The following BMP2 variants were observed in gnomAD, a reference collection of about 807,000 sequenced individuals.
The protein encoded by BMP2 is bone morphogenetic protein 2A.
BMP2 carries 2 observed loss-of-function variants against 28.8 expected under a neutral mutation model. The observed-to-expected ratio is 0.07, with a 90% CI of 0.03 to 0.22. The LOEUF is 0.22. Among genes scored for constraint, BMP2 ranks in the 10% least tolerant of loss-of-function variants. The pLI is 1.00. For missense variants in BMP2, 437 were observed against 517.7 expected (o/e 0.84, Z 1.51); for synonymous variants, 218 against 204.3 (o/e 1.07, Z -0.57).
chr20:6,769,640 T>C (rs1986347650), intron 1 of BMP2, among the ~76,000 whole-genome samples: 1 of 151,344 alleles, frequency 6.6e-6, no homozygotes, highest in African/African-American at 2.4e-5. Flanking sequence ...TGTGTGTGTG[T>C]GTGTGTGTCA....
chr20:6,775,031 T>C (rs1205952406), intron 2 of BMP2, among the ~76,000 whole-genome samples: 2 of 152,182 alleles, frequency 1.3e-5, no homozygotes, highest in Admixed American at 6.5e-5. Context: ...GTTAAGAACT[T>C]AGAAGCTCAC....
At chr20:6,771,293 G>A (rs1986393668) in intron 2 of BMP2, among the ~76,000 whole-genome samples, 1 of 152,108 alleles carries the variant, frequency 6.6e-6, no homozygotes, top group African/African-American at 2.4e-5. Flanking sequence ...TCTTACAGCA[G>A]CTATTGAGGT....
In BMP2 at chr20:6,778,537, G is replaced by C. The variant is rs753778030; in HGVS notation, c.639G>C (p.Val213=). Residue 213 remains valine (V), a synonymous_variant, in exon 3 of 3, where the codon GTG becomes GTC. Transcript: ENST00000378827. This position sits in a 1 kb window ranked among gnomAD's most constrained non-coding sequence, Gnocchi z 5.0. ...AAAGTTTTGATGTCACCCCCGCTGT[G>C]ATGCGGTGGACTGCACAGGGACACG... ...RWESFDVTPA[V]MRWTAQGHAN... The C allele has an allele frequency of 2.5e-6, 4 of 1,614,180 alleles. No individual in the cohort carries two copies. In the Admixed American group the frequency reaches 6.7e-5, roughly 27 times the overall value.
chr20:6,778,471 T>C lies in BMP2; in HGVS notation c.573T>C (p.Leu191=). Residue 191 remains leucine, a synonymous_variant, in exon 3 of 3, where the codon CTT becomes CTC. Transcript: ENST00000378827. The surrounding 1 kb of genome is among the most constrained non-coding windows in gnomAD (Gnocchi z 5.0). ...ACTCGAAATTCCCCGTGACCAGACT[T>C]TTGGACACCAGGTTGGTGAATCAGA... is the stretch of plus-strand genomic sequence containing the variant. ...TANSKFPVTR[L]LDTRLVNQNA... 1 of 1,614,086 alleles carries C rather than the reference T, an allele frequency of 6.2e-7. No individual in the cohort carries two copies. Among genetic ancestry groups the C allele is most frequent in the Non-Finnish European group, 8.5e-7 (1 of 1,180,002 alleles).
At chr20:6,777,157 T>C (rs1156756744) in intron 2 of BMP2, among the ~76,000 whole-genome samples, 2 of 152,220 alleles carry the variant, frequency 1.3e-5, no homozygotes, top group African/African-American at 4.8e-5. Context: ...CTGTGTTATA[T>C]ATTACTTGCT....
chr20:6,769,975 G>C (rs1043363634), intron 1 of BMP2, 145 bp from the exon 2 acceptor site: 1 of 771,676 alleles, frequency 1.3e-6, no homozygotes, highest in East Asian at 2.7e-5. Flanking sequence ...AGCTTCGGTC[G>C]GTCTTACCTA....
intron 2 of BMP2, among the ~76,000 whole-genome samples, chr20:6,770,935 A>G (rs918551269): frequency 1.3e-5 from 2 of 152,236 alleles, no homozygotes; most frequent in Non-Finnish European, 2.9e-5. Flanking sequence ...TTTCAGAGAT[A>G]GTATTGAAAA....
rs999144155 is a variant in BMP2 at position 6,779,840 on chromosome 20, A to C, written c.*751A>C. ...GCAGGATCCATAGAAATAATTAGGA[A>C]AACGATGAACCTGCAGGAAAGTGAA... On this transcript the variant is annotated 3_prime_UTR_variant, in exon 3 of 3. Coordinates refer to ENST00000378827, the MANE Select transcript of BMP2 (RefSeq NM_001200.4). The C allele has an allele frequency of 6.6e-6, 1 of 152,342 alleles. No individual in the cohort carries two copies. The highest frequency in any genetic ancestry group is 1.5e-5 in the Non-Finnish European group (1 of 68,040). 9.4% of individuals were successfully genotyped at this position (152,342 alleles called of 1,614,324 possible). A position where few individuals can be genotyped will look rare whatever the true frequency, so the allele number is the denominator to read the frequency against.
chr20:6,779,055 A>G lies in BMP2; in HGVS notation c.1157A>G (p.Gln386Arg). 1 of 1,612,188 alleles carries G rather than the reference A, an allele frequency of 6.2e-7. No homozygotes were observed. The highest frequency in any genetic ancestry group is 8.5e-7 in the Non-Finnish European group (1 of 1,179,614). The change falls in exon 3 of 3, where the codon CAG becomes CGG. Residue 386 changes from glutamine (Q) to arginine (R), a missense_variant. By Grantham distance (43) the Gln-to-Arg change is conservative. Transcript: ENST00000378827. ...ENEKVVLKNYQDMVVEGCGCR is the reference protein window; with the variant it reads ...ENEKVVLKNYRDMVVEGCGCR Reference sequence around the variant, plus strand: ...GAAAAGGTTGTATTAAAGAACTATCAGGACATGGTTGTGGAGGGTTGTGGG... The same window carrying G: ...GAAAAGGTTGTATTAAAGAACTATCGGGACATGGTTGTGGAGGGTTGTGGG...
intron 1 of BMP2, among the ~76,000 whole-genome samples, chr20:6,769,633 G>GTT (rs1555785668): frequency 1.3e-5 from 2 of 151,258 alleles, no homozygotes; most frequent in Middle Eastern, 3.4e-3. Flanking sequence ...GTGTGTGTGT[G>GTT]TGTGTGTGTG....
At chr20:6,772,684 G>A (rs1281369979) in intron 2 of BMP2, among the ~76,000 whole-genome samples, 1 of 152,168 alleles carries the variant, frequency 6.6e-6, no homozygotes, top group Non-Finnish European at 1.5e-5. Flanking sequence ...TTCTTTGTAG[G>A]TGTGATCGAA....
chr20:6,773,476 C>G (rs1986439116), intron 2 of BMP2, among the ~76,000 whole-genome samples: 1 of 152,202 alleles, frequency 6.6e-6, no homozygotes, highest in South Asian at 2.1e-4. Flanking sequence ...ATTTTCCGTT[C>G]CACCTGTTTT....
intron 2 of BMP2, among the ~76,000 whole-genome samples, chr20:6,771,056 C>G (rs1986388645): frequency 6.6e-6 from 1 of 152,194 alleles, no homozygotes; most frequent in Non-Finnish European, 1.5e-5. Flanking sequence ...TACAATCAAT[C>G]TTATTGTTTC....
At position 6,778,286 on chromosome 20, in the gene BMP2, C is replaced by A. The variant is rs772329794; in HGVS notation, c.388C>A (p.Arg130=). 1.2e-6 allele frequency: 2 copies of A among 1,607,998 alleles called. No individual in the cohort carries two copies. The highest frequency in any genetic ancestry group is 8.5e-7 in the Non-Finnish European group (1 of 1,177,760). The stretch of plus-strand genomic sequence containing the variant: ...ACCAGAAACGAGTGGGAAAACAACC[C>A]GGAGATTCTTCTTTAATTTAAGTTC... The part of the protein sequence containing the change: ...ELPETSGKTT[R]RFFFNLSSIP... Residue 130 remains arginine (R), a synonymous_variant, in exon 3 of 3, where the codon CGG becomes AGG. Coordinates refer to ENST00000378827, the MANE Select transcript of BMP2 (RefSeq NM_001200.4). The surrounding 1 kb of genome is among the most constrained non-coding windows in gnomAD (Gnocchi z 5.0).
At chr20:6,770,788 C>T (rs922153875) in intron 2 of BMP2, among the ~76,000 whole-genome samples, 2 of 152,134 alleles carry the variant, frequency 1.3e-5, no homozygotes, top group Admixed American at 1.3e-4. Flanking sequence ...GTCAGCTAAA[C>T]GTGCAAGAAT....
At chr20:6,772,097 AAGTT>A (rs57235782) in intron 2 of BMP2, among the ~76,000 whole-genome samples, 2,461 of 152,318 alleles carry the variant, frequency 0.016, 66 homozygotes, top group African/African-American at 0.055. Flanking sequence ...AAGATCATTT[AAGTT>A]AGTTAACACC....
chr20:6,770,334 A>G lies in BMP2; in HGVS notation c.208A>G (p.Ser70Gly). The G allele has an allele frequency of 1.9e-6, 3 of 1,613,478 alleles. No homozygotes were observed. Among genetic ancestry groups the G allele is most frequent in the Non-Finnish European group, 2.5e-6 (3 of 1,179,954 alleles). Residue 70 changes from serine to glycine, a missense_variant, in exon 2 of 3, where the codon AGC (serine) becomes GGC (glycine). By Grantham distance (56) the Ser-to-Gly change is moderately conservative. Around this residue, in one of 2 missense-constraint regions of BMP2, gnomAD observed 363 missense variants for 392.8 expected, o/e 0.92. Coordinates refer to ENST00000378827, the MANE Select transcript of BMP2 (RefSeq NM_001200.4). ...CGGCCTGAAACAGAGACCCACCCCC[A>G]GCAGGGACGCCGTGGTGCCCCCCTA... The part of the protein sequence containing the change: ...MFGLKQRPTP[S>G]RDAVVPPYML...
At chr20:6,774,786 C>T (rs1245001150) in intron 2 of BMP2, among the ~76,000 whole-genome samples, 1 of 152,136 alleles carries the variant, frequency 6.6e-6, no homozygotes, top group African/African-American at 2.4e-5. Flanking sequence ...ATCATTATGA[C>T]TTCTTTTGTT....
rs767964852 is a variant in BMP2, at chr20:6,770,407, C to T, written c.281C>T (p.Ala94Val). The change falls in exon 2 of 3, where the codon GCC becomes GTC. Residue 94 changes from alanine to valine, a missense_variant. Around this residue, in one of 2 missense-constraint regions of BMP2, gnomAD observed 363 missense variants for 392.8 expected, o/e 0.92. Coordinates refer to ENST00000378827, the MANE Select transcript of BMP2 (RefSeq NM_001200.4). ...RRHSGQPGSP[A>V]PDHRLERAAS... is the part of the protein sequence containing the mutation. ...CACTCAGGTCAGCCGGGCTCACCCG[C>T]CCCAGACCACCGGTTGGAGAGGGCA... The T allele has an allele frequency of 6.2e-7, 1 of 1,611,722 alleles. No individual in the cohort carries two copies. Among genetic ancestry groups the T allele is most frequent in the South Asian group, 1.1e-5 (1 of 90,988 alleles).
Sources: gnomAD v4.1 joint callset for allele counts (sites outside exome capture counted in the v4.1 genomes callset) on GRCh38, gnomAD v4.1.1 for gene constraint, gnomAD v4.1.1 regional missense constraint, Gnocchi (gnomAD v3.1) non-coding constraint, MANE v1.5 for transcripts, NCBI Gene and HGNC (gene_info 2026-07-23, HGNC 2026-07-21) for gene names.